The following DUS2 variants were observed in gnomAD, a reference collection of about 807,000 sequenced individuals.
The protein encoded by DUS2 is dihydrouridine synthase 2, also known as tRNA-dihydrouridine(20) synthase [NAD(P)+]-like.
In DUS2, 52 loss-of-function variants were observed where a neutral mutation model predicts 71.3. That is an observed-to-expected ratio of 0.73 (90% CI 0.58 to 0.92). DUS2 has a LOEUF of 0.92. Among genes scored for constraint, DUS2 ranks in the 40% least tolerant of loss-of-function variants. The pLI is 0.00. For missense variants in DUS2, 558 were observed against 622.6 expected (o/e 0.90, Z 1.10); for synonymous variants, 204 against 227.8 (o/e 0.90, Z 0.94).
At chr16:68,035,002 TA>T (rs940357506) in intron 2 of DUS2, among the ~76,000 whole-genome samples, 9 of 148,652 alleles carry the variant, frequency 6.1e-5, no homozygotes, top group African/African-American at 1.2e-4. Flanking sequence ...AGACTCTGTT[TA>T]AAAAAAAAAC....
At chr16:68,034,000 TC>T (rs1400684570) in intron 2 of DUS2, among the ~76,000 whole-genome samples, 2 of 152,054 alleles carry the variant, frequency 1.3e-5, no homozygotes, top group Non-Finnish European at 2.9e-5. Flanking sequence ...ACTCCTGAGT[TC>T]AAGCAATCTG....
At chr16:68,061,007 A>G (rs747723178) in intron 7 of DUS2, 59 bp from the exon 8 acceptor site, 7 of 1,564,382 alleles carry the variant, frequency 4.5e-6, no homozygotes, top group Non-Finnish European at 6.2e-6. Context: ...ACCCCATCCC[A>G]TGGAGAGGGC....
Position 68,049,560 on chromosome 16 carries a change from G to A in DUS2, c.172+10G>A. The A allele has an allele frequency of 6.2e-7, 1 of 1,614,002 alleles. No homozygotes were observed. The highest frequency in any genetic ancestry group is 1.1e-5 in the South Asian group (1 of 91,078). ...AAGAGAGTTGTTAATGGTGAGTACA[G>A]ATCTGGCTCCAGAATTATGCATATG... is the stretch of plus-strand genomic sequence containing the variant. On this transcript the variant is annotated intron_variant, in intron 4 of 16. Transcript: ENST00000565263.
rs144160913 is a variant in DUS2, at chr16:68,054,664, G to T, written c.308+47G>T. The T allele has an allele frequency of 4.9e-4, 784 of 1,609,072 alleles. 3 individuals carry two copies. In the African/African-American group the frequency reaches 9.3e-3, roughly 19 times the overall value. ...AGCACTGCCTTTGCCTCTCCTTTGA[G>T]CTGTGAGGGTTTAATGTCCTGGTGA... On this transcript the variant is annotated intron_variant, in intron 6 of 16. Transcript: ENST00000565263.
chr16:68,039,789 A>G (rs2033595194), intron 3 of DUS2, among the ~76,000 whole-genome samples: 1 of 152,066 alleles, frequency 6.6e-6, no homozygotes, highest in Non-Finnish European at 1.5e-5. Flanking sequence ...AAAGAAAATT[A>G]GACCCCTGGA....
intron 5 of DUS2, 120 bp downstream of exon 5, chr16:68,053,775 C>T: frequency 1.1e-6 from 1 of 943,006 alleles, no homozygotes; most frequent in Non-Finnish European, 1.6e-6. Flanking sequence ...CGATGGCTTC[C>T]TGAAGATTCT....
At chr16:68,036,215 C>T (rs984795991) in intron 2 of DUS2, among the ~76,000 whole-genome samples, 6 of 149,606 alleles carry the variant, frequency 4.0e-5, no homozygotes, top group African/African-American at 1.2e-4. Context: ...GGCTGGAGTG[C>T]GGTGGCATGA....
chr16:68,073,139 G>A (rs1011422197), intron 12 of DUS2, among the ~76,000 whole-genome samples: 6 of 152,222 alleles, frequency 3.9e-5, no homozygotes, highest in African/African-American at 1.4e-4. Context: ...AGGGGCTCCC[G>A]CACTTCGAGA....
intron 2 of DUS2, among the ~76,000 whole-genome samples, chr16:68,029,526 A>G (rs2033407100): frequency 6.6e-6 from 1 of 151,976 alleles, no homozygotes; most frequent in South Asian, 2.1e-4. Context: ...GGCTCACTGC[A>G]GCCTCCACCT....
At chr16:68,033,767 G>C (rs1046474507) in intron 2 of DUS2, among the ~76,000 whole-genome samples, 1 of 151,538 alleles carries the variant, frequency 6.6e-6, no homozygotes, top group African/African-American at 2.4e-5. Context: ...GAGTAGCTGG[G>C]ATTACAGGCG....
At chr16:68,041,248 C>A (rs1171158685) in intron 3 of DUS2, among the ~76,000 whole-genome samples, 1 of 151,988 alleles carries the variant, frequency 6.6e-6, no homozygotes, top group Non-Finnish European at 1.5e-5. Context: ...AAGTCCTCAG[C>A]CTCTGGAGGA....
At chr16:68,057,637 T>C (rs1316433115) in intron 7 of DUS2, among the ~76,000 whole-genome samples, 1 of 151,888 alleles carries the variant, frequency 6.6e-6, no homozygotes, top group African/African-American at 2.4e-5. Flanking sequence ...CCCAGCACTT[T>C]GGGAGGCTGA....
chr16:68,054,470 G>C (rs2033821534), intron 5 of DUS2, 104 bp from the exon 6 acceptor site: 2 of 1,241,838 alleles, frequency 1.6e-6, no homozygotes, highest in Admixed American at 3.4e-5. Flanking sequence ...TCTGTTGTTG[G>C]TGTGTGGGGT....
rs1009069192 is a variant in DUS2 at position 68,044,948 on chromosome 16, A to G, written c.127-4557A>G. Among the ~76,000 whole-genome samples, 4 of 151,814 alleles carry G rather than the reference A, an allele frequency of 2.6e-5. No individual in the cohort carries two copies. In the South Asian group the frequency reaches 8.3e-4, roughly 32 times the overall value. On this transcript the variant is annotated intron_variant, in intron 3 of 16. Transcript: ENST00000565263. ...GCTGGGATTACAGGCGCCTGCCACC[A>G]TGCCTGGATAATTTTTGTATTTTTA...
chr16:68,053,568 G>T lies in DUS2; in HGVS notation c.177G>T (p.Val59=). 6.2e-7 allele frequency: 1 copy of T among 1,614,208 alleles called. No homozygotes were observed. ...TGTGTTTGGGTTTTCTTGCAGAGGT[G>T]CTCAGCACAGTGGACTTTGTCGCCC... ...MIQCKRVVNE[V]LSTVDFVAPD... is the part of the protein sequence containing the mutation. The change falls in exon 5 of 17, where the codon GTG becomes GTT. Residue 59 remains valine (V), a synonymous_variant. Coordinates refer to ENST00000565263, the MANE Select transcript of DUS2 (RefSeq NM_017803.5).
rs369000650 is a variant in DUS2, at chr16:68,049,611, C to T, written c.172+61C>T. ...CCCTGCTGGGCTCAAGCAGCACTAC[C>T]ACTGCCCTTGCCTGGGGTGACAGTG... On this transcript the variant is annotated intron_variant, in intron 4 of 16. Transcript: ENST00000565263. 3 of 1,510,372 alleles carry T rather than the reference C, an allele frequency of 2.0e-6. No homozygotes were observed. The African/African-American group carries it at 4.1e-5, about 21-fold the overall frequency. 93.6% of individuals were successfully genotyped at this position (1,510,372 alleles called of 1,614,324 possible).
At chr16:68,062,960 T>C (rs184309421) in intron 8 of DUS2, among the ~76,000 whole-genome samples, 28 of 152,114 alleles carry the variant, frequency 1.8e-4, no homozygotes, top group Non-Finnish European at 3.7e-4. Flanking sequence ...CAAATTGGTT[T>C]CCACACCTAG....
At chr16:68,030,892 C>G (rs1432540333) in intron 2 of DUS2, among the ~76,000 whole-genome samples, 1 of 151,924 alleles carries the variant, frequency 6.6e-6, no homozygotes, top group African/African-American at 2.4e-5. Context: ...TTCCATCACT[C>G]CTGGCTAGTT....
intron 11 of DUS2, among the ~76,000 whole-genome samples, 176 bp downstream of exon 11, chr16:68,070,396 A>G (rs2034067316): frequency 6.6e-6 from 1 of 152,166 alleles, no homozygotes; most frequent in African/African-American, 2.4e-5. Flanking sequence ...TCCCCTCTGC[A>G]TGCCTGTCTC....
Sources: gnomAD v4.1 joint callset for allele counts (sites outside exome capture counted in the v4.1 genomes callset) on GRCh38, gnomAD v4.1.1 for gene constraint, MANE v1.5 for transcripts, NCBI Gene and HGNC (gene_info 2026-07-23, HGNC 2026-07-21) for gene names.